The following ST3GAL4 variants were observed in gnomAD, a reference collection of about 807,000 sequenced individuals.
The protein encoded by ST3GAL4 is CMP-N-acetylneuraminate-beta-galactosamide-alpha-2,3-sialyltransferase 4.
In ST3GAL4, 24 loss-of-function variants were observed where a neutral mutation model predicts 42.6. That is an observed-to-expected ratio of 0.56 (90% CI 0.41 to 0.79). The LOEUF is 0.79. ST3GAL4 is among the 30% of genes least tolerant of loss of function. The probability of loss-of-function intolerance (pLI) is 0.00; values close to 1 mark genes in which losing one functional copy is unlikely to be tolerated. For missense variants in ST3GAL4, 311 were observed against 430.8 expected, an observed-to-expected ratio of 0.72 and a Z score of 2.46; for synonymous variants, 135 against 163.2, an observed-to-expected ratio of 0.83 and a Z score of 1.32.
Position 126,393,360 on chromosome 11 carries a change from CAG to C in ST3GAL4, c.-60-12735_-60-12734del, listed in dbSNP as rs1953594572. ...CCTTGCAGGCACTGGGGCAGGATAT[CAG>C]GGGGTCCAGAAGAGGTTGGGTTTAG... On this transcript the variant is annotated intron_variant, in intron 1 of 10. Transcript: ENST00000444328. This position sits in a 1 kb window ranked among gnomAD's most constrained non-coding sequence, Gnocchi z 5.9. The C allele has an allele frequency of 1.3e-5, 2 of 152,260 alleles. No homozygotes were observed. Among genetic ancestry groups the C allele is most frequent in the Non-Finnish European group, 2.9e-5 (2 of 68,092 alleles). 9.4% of individuals were successfully genotyped at this position (152,260 alleles called of 1,614,324 possible).
chr11:126,356,742 T>C (rs2135356100), intron 1 of ST3GAL4, among the ~76,000 whole-genome samples: 1 of 152,356 alleles, frequency 6.6e-6, no homozygotes, highest in South Asian at 2.1e-4. Flanking sequence ...CACAGGCCTC[T>C]TGGGGAAGCC....
chr11:126,383,510 C>G lies in ST3GAL4; in HGVS notation c.-60-22586C>G, dbSNP rs1279675461. ...GAGTGCCCTGGCTTGGGGGGGCCCTCAAGCCCCGGAAGCTGTATGTGGGCA... is the reference window on the plus strand; with the variant it reads ...GAGTGCCCTGGCTTGGGGGGGCCCTGAAGCCCCGGAAGCTGTATGTGGGCA... On this transcript the variant is annotated intron_variant, in intron 1 of 10. Coordinates refer to ENST00000444328, the MANE Select transcript of ST3GAL4 (RefSeq NM_001254757.2). This position sits in a 1 kb window ranked among gnomAD's most constrained non-coding sequence, Gnocchi z 4.5. Among the ~76,000 whole-genome samples the G allele has an allele frequency of 2.0e-5, 3 of 152,070 alleles. No homozygotes were observed. The highest frequency in any genetic ancestry group is 2.9e-5 in the Non-Finnish European group (2 of 67,996).
intron 1 of ST3GAL4, among the ~76,000 whole-genome samples, chr11:126,364,993 G>A (rs1376762299): frequency 1.3e-5 from 2 of 149,210 alleles, no homozygotes; most frequent in South Asian, 2.2e-4. Flanking sequence ...CCAGTCCTGG[G>A]TGTGTTCTCG....
intron 1 of ST3GAL4, among the ~76,000 whole-genome samples, chr11:126,388,342 C>G (rs1199173240): frequency 6.6e-6 from 1 of 151,584 alleles, no homozygotes; most frequent in African/African-American, 2.4e-5. Flanking sequence ...TTTTTCTTTT[C>G]TTTTTTAAGA....
rs1206718430 is a variant in ST3GAL4 at position 126,409,273 on chromosome 11, A to G, written c.633A>G (p.Arg211=). The change falls in exon 9 of 11, where the codon CGA becomes CGG. Residue 211 remains arginine, a synonymous_variant. Coordinates refer to ENST00000444328, the MANE Select transcript of ST3GAL4 (RefSeq NM_001254757.2). This position sits in a 1 kb window ranked among gnomAD's most constrained non-coding sequence, Gnocchi z 4.9. The part of the protein sequence containing the change: ...ETILSDKKRV[R]KGFWKQPPLI... ...TTCTGACCCCATCCTCCTAGGTGCGAAAGGGTTTCTGGAAACAGCCTCCCC... is the reference window on the plus strand; with the variant it reads ...TTCTGACCCCATCCTCCTAGGTGCGGAAGGGTTTCTGGAAACAGCCTCCCC... 2.5e-6 allele frequency: 4 copies of G among 1,614,068 alleles called. No homozygotes were observed. In the Admixed American group the frequency reaches 6.7e-5, roughly 27 times the overall value.
Position 126,406,662 on chromosome 11 carries a change from G to A in ST3GAL4, c.101+105G>A, listed in dbSNP as rs1374260123. ...CTAGTAGGGCAGGAAGGTTCCAAGA[G>A]CCGGCACATGACCTCATCCCTTCAG... On this transcript the variant is annotated intron_variant, in intron 3 of 10. Coordinates refer to ENST00000444328, the MANE Select transcript of ST3GAL4 (RefSeq NM_001254757.2). The surrounding 1 kb of genome is among the most constrained non-coding windows in gnomAD (Gnocchi z 5.4). 4 of 1,503,084 alleles carry A rather than the reference G, an allele frequency of 2.7e-6. No individual in the cohort carries two copies. Among genetic ancestry groups the A allele is most frequent in the Non-Finnish European group, 3.6e-6 (4 of 1,108,442 alleles). The allele number at this position is 1,503,084 out of a possible 1,614,324, so 93.1% of individuals were successfully genotyped here.
intron 1 of ST3GAL4, among the ~76,000 whole-genome samples, chr11:126,402,182 G>A (rs1591481036): frequency 6.6e-6 from 1 of 151,976 alleles, no homozygotes; most frequent in East Asian, 1.9e-4. Context: ...ATGGCCGAGC[G>A]TGGTGGCTCA....
chr11:126,356,702 C>T (rs1952078968), intron 1 of ST3GAL4, among the ~76,000 whole-genome samples: 1 of 152,236 alleles, frequency 6.6e-6, no homozygotes, highest in South Asian at 2.1e-4. Context: ...CCCTGTCTGA[C>T]CTCATGGCCA....
chr11:126,389,417 C>T (rs552620700), intron 1 of ST3GAL4, among the ~76,000 whole-genome samples: 43 of 152,246 alleles, frequency 2.8e-4, no homozygotes, highest in African/African-American at 1.0e-3. Flanking sequence ...CCCCATCTCC[C>T]CAGAATATAA....
Position 126,392,316 on chromosome 11 carries a change from G to A in ST3GAL4, c.-60-13780G>A, listed in dbSNP as rs1188104942. The A allele has an allele frequency of 4.1e-6, 4 of 985,862 alleles. 1 individual carries two copies. The highest frequency in any genetic ancestry group is 2.4e-6 in the Non-Finnish European group (2 of 829,934). The allele number at this position is 985,862 out of a possible 1,614,324, so 61.1% of individuals were successfully genotyped here. A position where few individuals can be genotyped will look rare whatever the true frequency, so the allele number is the denominator to read the frequency against. Reference sequence around the variant, plus strand: ...CTGGGACTGCACAGAGTTTACTGTCGGACATCAGTTCTGATATGGTGCAGC... The same window carrying A: ...CTGGGACTGCACAGAGTTTACTGTCAGACATCAGTTCTGATATGGTGCAGC... On this transcript the variant is annotated intron_variant, in intron 1 of 10. Transcript: ENST00000444328. The surrounding 1 kb of genome is among the most constrained non-coding windows in gnomAD (Gnocchi z 5.8).
rs1345665606 is a variant in ST3GAL4, at chr11:126,366,097, G to A, written c.-61+10255G>A. On this transcript the variant is annotated intron_variant, in intron 1 of 10. Transcript: ENST00000444328. The surrounding 1 kb of genome is among the most constrained non-coding windows in gnomAD (Gnocchi z 4.2). ...CTTTGGAGGAACGAGGTTCCTGAGG[G>A]CTGGCACAGCCACTCCCTGCCCCTT... is the stretch of plus-strand genomic sequence containing the variant. 6.6e-6 allele frequency among the ~76,000 whole-genome samples: 1 copy of A among 152,190 alleles called. No homozygotes were observed. Among genetic ancestry groups the A allele is most frequent in the Non-Finnish European group, 1.5e-5 (1 of 68,022 alleles).
Position 126,391,707 on chromosome 11 carries a change from G to C in ST3GAL4, c.-60-14389G>C, listed in dbSNP as rs12225592. ...ACCCAGCAGCCAGGAGGAGAGCTGA[G>C]TGTGATTGGGGTCGTGGTGGGGCCA... On this transcript the variant is annotated intron_variant, in intron 1 of 10. Transcript: ENST00000444328. This position sits in a 1 kb window ranked among gnomAD's most constrained non-coding sequence, Gnocchi z 5.5. Among the ~76,000 whole-genome samples, 1 of 152,074 alleles carries C rather than the reference G, an allele frequency of 6.6e-6. No homozygotes were observed. The highest frequency in any genetic ancestry group is 2.4e-5 in the African/African-American group (1 of 41,436).
intron 1 of ST3GAL4, among the ~76,000 whole-genome samples, chr11:126,401,502 A>G (rs1953988232): frequency 6.6e-6 from 1 of 151,568 alleles, no homozygotes; most frequent in African/African-American, 2.4e-5. Context: ...CAGAGGTTCC[A>G]GTGGGTTCGT....
intron 9 of ST3GAL4, among the ~76,000 whole-genome samples, chr11:126,412,433 C>T (rs910133402): frequency 1.3e-5 from 2 of 152,134 alleles, no homozygotes; most frequent in African/African-American, 4.8e-5. Context: ...CGGAGGAAGG[C>T]GGGGCTGGAG....
Position 126,410,196 on chromosome 11 carries a change from T to C in ST3GAL4, c.771+785T>C, listed in dbSNP as rs1954459253. ...TGCCGGGATTACAGGTGTAAGGCACTGTGTCTGACCACAAGTTATGTGTTA... is the reference window on the plus strand; with the variant it reads ...TGCCGGGATTACAGGTGTAAGGCACCGTGTCTGACCACAAGTTATGTGTTA... On this transcript the variant is annotated intron_variant, in intron 9 of 10. Transcript: ENST00000444328. The surrounding 1 kb of genome is among the most constrained non-coding windows in gnomAD (Gnocchi z 5.3). Among the ~76,000 whole-genome samples, 1 of 152,224 alleles carries C rather than the reference T, an allele frequency of 6.6e-6. No homozygotes were observed. Among genetic ancestry groups the C allele is most frequent in the Admixed American group, 6.5e-5 (1 of 15,284 alleles).
intron 1 of ST3GAL4, among the ~76,000 whole-genome samples, chr11:126,394,378 AG>A (rs1253553252): frequency 1.1e-4 from 17 of 152,324 alleles, no homozygotes; most frequent in African/African-American, 3.4e-4. Flanking sequence ...CACCCTGAGA[AG>A]GGAATTCAAA....
chr11:126,402,051 G>A (rs1247423757), intron 1 of ST3GAL4, among the ~76,000 whole-genome samples: 1 of 151,022 alleles, frequency 6.6e-6, no homozygotes, highest in Admixed American at 6.6e-5. Flanking sequence ...TTCTGGGAAG[G>A]TGAGGTGGAT....
At chr11:126,413,900 T>A in intron 10 of ST3GAL4, 61 bp from the exon 11 acceptor site, 1 of 1,594,726 alleles carries the variant, frequency 6.3e-7, no homozygotes, top group Non-Finnish European at 8.6e-7. Flanking sequence ...CAGGGAGACT[T>A]TCCTGGGGAC....
intron 1 of ST3GAL4, among the ~76,000 whole-genome samples, chr11:126,382,693 A>C (rs1015820041): frequency 6.6e-6 from 1 of 152,056 alleles, no homozygotes; most frequent in Admixed American, 6.5e-5. Flanking sequence ...GGGGTATTCC[A>C]TGGGACCCTG....
Sources: gnomAD v4.1 joint callset for allele counts (sites outside exome capture counted in the v4.1 genomes callset) on GRCh38, gnomAD v4.1.1 for gene constraint, Gnocchi (gnomAD v3.1) non-coding constraint, MANE v1.5 for transcripts, NCBI Gene and HGNC (gene_info 2026-07-23, HGNC 2026-07-21) for gene names.